The following SOX7 variants were observed in gnomAD, a reference collection of about 807,000 sequenced individuals.
The protein encoded by SOX7 is SRY-box transcription factor 7, also known as transcription factor SOX-7.
In SOX7, 19 loss-of-function variants were observed where a neutral mutation model predicts 24.9. The ratio of observed to expected loss-of-function variants is 0.76; its 90% CI spans 0.53 to 1.12. The LOEUF (loss-of-function observed/expected upper bound fraction) is 1.12. Among genes scored for constraint, SOX7 ranks in the 50% most tolerant of loss-of-function variants. SOX7 has a pLI of 0.00. For missense variants in SOX7, 702 were observed against 535.0 expected (o/e 1.31, Z -3.08); for synonymous variants, 327 against 244.5 (o/e 1.34, Z -3.15).
At position 10,726,037 on chromosome 8, in the gene SOX7, G is replaced by A. The variant is rs368620577; in HGVS notation, c.868C>T (p.His290Tyr). ...GCTTGGAGGTTGGAGTGGAGTGGGT[G>A]GTAGGTGGCCGGGGAGTAATAGGCA... is the stretch of plus-strand genomic sequence containing the variant. ...SPAYYSPATYHPLHSNLQAHL... is the reference protein window; with the variant it reads ...SPAYYSPATYYPLHSNLQAHL... The change falls in exon 2 of 2, where the codon CAC becomes TAC. Residue 290 changes from histidine to tyrosine, a missense_variant. His to Tyr is a moderately conservative substitution (Grantham distance 83, BLOSUM62 2). Coordinates refer to ENST00000304501, the MANE Select transcript of SOX7 (RefSeq NM_031439.4). The A allele has an allele frequency of 1.9e-6, 3 of 1,574,500 alleles. No individual in the cohort carries two copies. In the African/African-American group the frequency reaches 4.0e-5, roughly 21 times the overall value.
chr8:10,730,220 T>C lies in SOX7; in HGVS notation c.214A>G (p.Asn72Asp), dbSNP rs2129063663. Residue 72 changes from asparagine (N) to aspartate (D), a missense_variant, in exon 1 of 2, where the codon AAC becomes GAC. Coordinates refer to ENST00000304501, the MANE Select transcript of SOX7 (RefSeq NM_031439.4). The surrounding 1 kb of genome is among the most constrained non-coding windows in gnomAD (Gnocchi z 4.8). ...CCCAGCATCTTGCTGAGCTCGGCGT[T>C]GTGCAGGTCCGGGTTCTGCACTGCC... ...RLAVQNPDLH[N>D]AELSKMLGKS... 1 of 1,550,298 alleles carries C rather than the reference T, an allele frequency of 6.5e-7. No homozygotes were observed. The highest frequency in any genetic ancestry group is 8.7e-7 in the Non-Finnish European group (1 of 1,151,608).
chr8:10,726,938 G>T (rs1011268513), intron 1 of SOX7, among the ~76,000 whole-genome samples: 1 of 152,200 alleles, frequency 6.6e-6, no homozygotes, highest in African/African-American at 2.4e-5. Flanking sequence ...GCCAGAGCGT[G>T]CCCACACTAC....
chr8:10,730,472 G>T lies in SOX7; in HGVS notation c.-39C>A. The stretch of plus-strand genomic sequence containing the variant: ...TCGCCTCGCTTCGCCTGGCGGGGCA[G>T]GCGCGGACCTGGCCCTCGCACGGGT... On this transcript the variant is annotated 5_prime_UTR_variant, in exon 1 of 2. The change creates a new upstream start codon in the 5' untranslated region. Transcript: ENST00000304501. This position sits in a 1 kb window ranked among gnomAD's most constrained non-coding sequence, Gnocchi z 4.8. 7.2e-7 allele frequency: 1 copy of T among 1,379,650 alleles called. No homozygotes were observed. Among genetic ancestry groups the T allele is most frequent in the South Asian group, 1.6e-5 (1 of 63,558 alleles). 85.5% of individuals were successfully genotyped at this position (1,379,650 alleles called of 1,614,324 possible).
Position 10,725,473 on chromosome 8 carries a change from A to G in SOX7, c.*265T>C. The G allele has an allele frequency of 1.9e-6, 1 of 518,750 alleles. No homozygotes were observed. 32.1% of individuals were successfully genotyped at this position (518,750 alleles called of 1,614,324 possible). Reference sequence around the variant, plus strand: ...ACGTCAGTGAACATTCCACTGGGAGACAGCAACTCTCAGGGGCTGGAGGAA... The same window carrying G: ...ACGTCAGTGAACATTCCACTGGGAGGCAGCAACTCTCAGGGGCTGGAGGAA... On this transcript the variant is annotated 3_prime_UTR_variant, in exon 2 of 2. Coordinates refer to ENST00000304501, the MANE Select transcript of SOX7 (RefSeq NM_031439.4).
At position 10,726,548 on chromosome 8, in the gene SOX7, C is replaced by T. The variant is rs1388657368; in HGVS notation, c.357G>A (p.Lys119=). The T allele has an allele frequency of 1.9e-6, 3 of 1,612,470 alleles. No individual in the cohort carries two copies. The highest frequency in any genetic ancestry group is 2.5e-6 in the Non-Finnish European group (3 of 1,179,974). The change falls in exon 2 of 2, where the codon AAG becomes AAA. Residue 119 remains lysine (K), a synonymous_variant. Coordinates refer to ENST00000304501, the MANE Select transcript of SOX7 (RefSeq NM_031439.4). ...GCTTGCACAGCCGCTTGGCCTGCTT[C>T]TTCCTGCGCGGCCGGTACTTGTAGT... ...YPNYKYRPRR[K]KQAKRLCKRV... is the part of the protein sequence containing the mutation.
Position 10,730,343 on chromosome 8 carries a change from C to T in SOX7, c.91G>A (p.Ala31Thr). The T allele has an allele frequency of 1.3e-6, 2 of 1,565,702 alleles. No individual in the cohort carries two copies. The highest frequency in any genetic ancestry group is 1.9e-5 in the Admixed American group (1 of 51,318). ...AELSDGQSPPAVPRPPGDKGS... is the reference protein window; with the variant it reads ...AELSDGQSPPTVPRPPGDKGS... ...TTGTCCCCCGGGGGCCGGGGGACGG[C>T]CGGCGGCGATTGTCCATCCGACAGC... The change falls in exon 1 of 2, where the codon GCC becomes ACC. Residue 31 changes from alanine (A) to threonine (T), a missense_variant. Coordinates refer to ENST00000304501, the MANE Select transcript of SOX7 (RefSeq NM_031439.4). This position sits in a 1 kb window ranked among gnomAD's most constrained non-coding sequence, Gnocchi z 4.8.
intron 1 of SOX7, among the ~76,000 whole-genome samples, chr8:10,727,706 G>C (rs906256044): frequency 6.6e-6 from 1 of 152,184 alleles, no homozygotes; most frequent in African/African-American, 2.4e-5. Context: ...GGGGCTTCTG[G>C]ACCCCTTGGG....
chr8:10,725,823 G>A lies in SOX7; in HGVS notation c.1082C>T (p.Thr361Ile). Reference protein sequence around the residue: ...LSGHVPVSQVTPTGPTETSLI... With the variant: ...LSGHVPVSQVIPTGPTETSLI... ...GCTGGTCTCTGTGGGACCCGTTGGT[G>A]TCACCTGGGAGACCGGAACATGCCC... The change falls in exon 2 of 2, where the codon ACA (threonine) becomes ATA (isoleucine). Residue 361 changes from threonine to isoleucine, a missense_variant. By Grantham distance (89) the Thr-to-Ile change is moderately conservative. Transcript: ENST00000304501. The A allele has an allele frequency of 6.2e-7, 1 of 1,614,236 alleles. No homozygotes were observed. The highest frequency in any genetic ancestry group is 1.1e-5 in the South Asian group (1 of 91,078).
At position 10,725,436 on chromosome 8, in the gene SOX7, T is replaced by C; in HGVS notation, c.*302A>G. 2.4e-6 allele frequency: 1 copy of C among 421,886 alleles called. No individual in the cohort carries two copies. The highest frequency in any genetic ancestry group is 4.5e-5 in the East Asian group (1 of 21,994). The allele number at this position is 421,886 out of a possible 1,614,324, so 26.1% of individuals were successfully genotyped here. A position where few individuals can be genotyped will look rare whatever the true frequency, so the allele number is the denominator to read the frequency against. Reference sequence around the variant, plus strand: ...TCCCCCCATTAGTTTCGATGATGGCTACCAAGAAAAGACGTCAGTGAACAT... The same window carrying C: ...TCCCCCCATTAGTTTCGATGATGGCCACCAAGAAAAGACGTCAGTGAACAT... On this transcript the variant is annotated 3_prime_UTR_variant, in exon 2 of 2. Coordinates refer to ENST00000304501, the MANE Select transcript of SOX7 (RefSeq NM_031439.4).
In SOX7 at chr8:10,726,272, G is replaced by T. The variant is rs367988647; in HGVS notation, c.633C>A (p.Asp211Glu). Residue 211 changes from aspartate (D) to glutamate (E), a missense_variant, in exon 2 of 2, where the codon GAC becomes GAA. Transcript: ENST00000304501. ...AGAAGGTCTGCTCCGGCTCCAGCAC[G>T]TCCAGGGGAGACATTTCAGGAGGTG... is the stretch of plus-strand genomic sequence containing the variant. ...LPTPPEMSPL[D>E]VLEPEQTFFS... 1.9e-6 allele frequency: 3 copies of T among 1,613,766 alleles called. No homozygotes were observed. The highest frequency in any genetic ancestry group is 4.5e-5 in the East Asian group (2 of 44,856).
At position 10,725,279 on chromosome 8, in the gene SOX7, A is replaced by G. The variant is rs997436231; in HGVS notation, c.*459T>C. Reference sequence around the variant, plus strand: ...AAGCCTCGTGGTCCTTGGGCTGTGCACACAAAATTATCACCAGATCGTAGG... The same window carrying G: ...AAGCCTCGTGGTCCTTGGGCTGTGCGCACAAAATTATCACCAGATCGTAGG... On this transcript the variant is annotated 3_prime_UTR_variant, in exon 2 of 2. Transcript: ENST00000304501. 5.0e-5 allele frequency: 9 copies of G among 180,886 alleles called. No homozygotes were observed. Among genetic ancestry groups the G allele is most frequent in the South Asian group, 2.4e-4 (2 of 8,220 alleles). 11.2% of individuals were successfully genotyped at this position (180,886 alleles called of 1,614,324 possible). A position where few individuals can be genotyped will look rare whatever the true frequency, so the allele number is the denominator to read the frequency against.
chr8:10,730,104 C>T lies in SOX7; in HGVS notation c.238+92G>A. On this transcript the variant is annotated intron_variant, in intron 1 of 1. Transcript: ENST00000304501. The surrounding 1 kb of genome is among the most constrained non-coding windows in gnomAD (Gnocchi z 4.8). ...CCTCGTCCCGCGTGCCGGGTCTTCCCCAGGCTCCGCGCTCGCACCCGCCCT... is the reference window on the plus strand; with the variant it reads ...CCTCGTCCCGCGTGCCGGGTCTTCCTCAGGCTCCGCGCTCGCACCCGCCCT... 2.0e-6 allele frequency: 2 copies of T among 992,168 alleles called. No individual in the cohort carries two copies. The allele number at this position is 992,168 out of a possible 1,614,324, so 61.5% of individuals were successfully genotyped here. A position where few individuals can be genotyped will look rare whatever the true frequency, so the allele number is the denominator to read the frequency against.
chr8:10,726,941 CA>C, intron 1 of SOX7, among the ~76,000 whole-genome samples: 1 of 152,328 alleles, frequency 6.6e-6, no homozygotes. Flanking sequence ...AGAGCGTGCC[CA>C]CACTACAATG....
In SOX7 at chr8:10,726,642, A is replaced by T. The variant is rs776813249; in HGVS notation, c.263T>A (p.Leu88Gln). 1.3e-6 allele frequency: 2 copies of T among 1,587,264 alleles called. No homozygotes were observed. Among genetic ancestry groups the T allele is most frequent in the Non-Finnish European group, 1.7e-6 (2 of 1,170,544 alleles). Residue 88 changes from leucine to glutamine, a missense_variant, in exon 2 of 2, where the codon CTG (leucine) becomes CAG (glutamine). By Grantham distance (113) the Leu-to-Gln change is moderately radical (BLOSUM62 -2). Transcript: ENST00000304501. Reference sequence around the variant, plus strand: ...GTCCACGTACGGCCTCTTCTGGGACAGCGTCAGCGCCTTCCACGACTTTCC... The same window carrying T: ...GTCCACGTACGGCCTCTTCTGGGACTGCGTCAGCGCCTTCCACGACTTTCC... ...MLGKSWKALT[L>Q]SQKRPYVDEA...
rs371083944 is a variant in SOX7, at chr8:10,726,161, T to C, written c.744A>G (p.Pro248=). 2 of 1,602,640 alleles carry C rather than the reference T, an allele frequency of 1.2e-6. No individual in the cohort carries two copies. Among genetic ancestry groups the C allele is most frequent in the African/African-American group, 1.3e-5 (1 of 74,244 alleles). Residue 248 remains proline (P), a synonymous_variant, in exon 2 of 2, where the codon CCA becomes CCG. Coordinates refer to ENST00000304501, the MANE Select transcript of SOX7 (RefSeq NM_031439.4). Reference sequence around the variant, plus strand: ...GGGGGTGGCTACAGTGGAGAGGGCTTGGGGCGTACTCCGGTGAGTACGGGT... The same window carrying C: ...GGGGGTGGCTACAGTGGAGAGGGCTCGGGGCGTACTCCGGTGAGTACGGGT... ...PGHPYSPEYA[P]SPLHCSHPLG... is the part of the protein sequence containing the mutation.
At chr8:10,727,189 T>C (rs1800172235) in intron 1 of SOX7, among the ~76,000 whole-genome samples, 1 of 152,202 alleles carries the variant, frequency 6.6e-6, no homozygotes, top group Non-Finnish European at 1.5e-5. Flanking sequence ...GCTCAGTCAA[T>C]ACTTTCACAG....
intron 1 of SOX7, among the ~76,000 whole-genome samples, chr8:10,727,197 C>T (rs1156862007): frequency 6.6e-6 from 1 of 152,206 alleles, no homozygotes; most frequent in Non-Finnish European, 1.5e-5. Flanking sequence ...AATACTTTCA[C>T]AGATGTCAGT....
In SOX7 at chr8:10,726,330, C is replaced by A. The variant is rs996632627; in HGVS notation, c.575G>T (p.Ser192Ile). 1 of 1,612,840 alleles carries A rather than the reference C, an allele frequency of 6.2e-7. No individual in the cohort carries two copies. Among genetic ancestry groups the A allele is most frequent in the African/African-American group, 1.3e-5 (1 of 74,868 alleles). ...CCCGTACGGGTACGTGTCCACACTG[C>A]TCGGGGTGCCGCCGCCGCCACCACC... ...PAGGGGGGTP[S>I]SVDTYPYGLP... is the part of the protein sequence containing the mutation. The change falls in exon 2 of 2, where the codon AGC becomes ATC. Residue 192 changes from serine (S) to isoleucine (I), a missense_variant. By Grantham distance (142) the Ser-to-Ile change is moderately radical. Transcript: ENST00000304501.
In SOX7 at chr8:10,726,265, C is replaced by T. The variant is rs1421727107; in HGVS notation, c.640G>A (p.Glu214Lys). 2 of 1,613,864 alleles carry T rather than the reference C, an allele frequency of 1.2e-6. No individual in the cohort carries two copies. Among genetic ancestry groups the T allele is most frequent in the South Asian group, 2.2e-5 (2 of 91,082 alleles). Reference protein sequence around the residue: ...PPEMSPLDVLEPEQTFFSSPC... With the variant: ...PPEMSPLDVLKPEQTFFSSPC... ...GAGGAGAAGAAGGTCTGCTCCGGCT[C>T]CAGCACGTCCAGGGGAGACATTTCA... Residue 214 changes from glutamate to lysine, a missense_variant, in exon 2 of 2, where the codon GAG becomes AAG. Glu to Lys is a moderately conservative substitution (Grantham distance 56). Transcript: ENST00000304501.
Sources: gnomAD v4.1 joint callset for allele counts (sites outside exome capture counted in the v4.1 genomes callset) on GRCh38, gnomAD v4.1.1 for gene constraint, Gnocchi (gnomAD v3.1) non-coding constraint, MANE v1.5 for transcripts, NCBI Gene and HGNC (gene_info 2026-07-23, HGNC 2026-07-21) for gene names.